Variants in CDKAL1 observed in about 807,000 individuals in gnomAD.
The protein encoded by CDKAL1 is threonylcarbamoyladenosine tRNA methylthiotransferase.
Under a neutral mutation model 68.2 loss-of-function variants are expected in CDKAL1, and 32 were observed. The observed-to-expected ratio is 0.47, with a 90% confidence interval of 0.35 to 0.63. The LOEUF (loss-of-function observed/expected upper bound fraction) is 0.63. CDKAL1 is among the 30% of genes least tolerant of loss of function. The probability of loss-of-function intolerance (pLI) is 0.00; values close to 1 mark genes in which losing one functional copy is unlikely to be tolerated. For synonymous variants in CDKAL1, 234 were observed against 244.3 expected, an observed-to-expected ratio of 0.96 and a Z score of 0.39; for missense variants, 606 against 696.7, an observed-to-expected ratio of 0.87 and a Z score of 1.47.
At chr6:20,796,104 A>T (rs1390604190) in intron 8 of CDKAL1, among the ~76,000 whole-genome samples, 1 of 152,208 alleles carries the variant, frequency 6.6e-6, no homozygotes, top group Admixed American at 6.5e-5. Context: ...GACTGTCTAC[A>T]TAGAAAATCT....
intron 8 of CDKAL1, among the ~76,000 whole-genome samples, chr6:20,822,083 T>A (rs1375440927): frequency 2.0e-5 from 3 of 152,166 alleles, no homozygotes; most frequent in African/African-American, 7.2e-5. Context: ...GTTAGGTAGT[T>A]GTAACAGAGA....
intron 8 of CDKAL1, among the ~76,000 whole-genome samples, chr6:20,798,015 C>T (rs1369816277): frequency 4.0e-5 from 6 of 151,618 alleles, no homozygotes; most frequent in African/African-American, 9.7e-5. Context: ...GGGGTTTCAC[C>T]GTGTTGCCCA....
At chr6:21,101,983 C>A (rs1026464874) in intron 12 of CDKAL1, among the ~76,000 whole-genome samples, 6 of 152,188 alleles carry the variant, frequency 3.9e-5, no homozygotes, top group African/African-American at 1.4e-4. Flanking sequence ...AACAGCTTCT[C>A]ATACTGTCTT....
chr6:20,855,620 G>A (rs2150512868), intron 9 of CDKAL1, among the ~76,000 whole-genome samples: 1 of 152,262 alleles, frequency 6.6e-6, no homozygotes, highest in East Asian at 1.9e-4. Flanking sequence ...TGTTATAGAG[G>A]CTAATACCTT....
chr6:20,991,396 C>T (rs190187148), intron 10 of CDKAL1, among the ~76,000 whole-genome samples: 36 of 152,084 alleles, frequency 2.4e-4, no homozygotes, highest in African/African-American at 8.4e-4. Context: ...GAACTGTATA[C>T]CTAAAAATGG....
chr6:21,186,808 T>C (rs1157512406), intron 13 of CDKAL1, among the ~76,000 whole-genome samples: 2 of 152,116 alleles, frequency 1.3e-5, no homozygotes, highest in African/African-American at 4.8e-5. Context: ...TCTAAAACAG[T>C]GAAATGGTAG....
intron 6 of CDKAL1, among the ~76,000 whole-genome samples, chr6:20,757,992 T>G (rs1774298160): frequency 6.6e-6 from 1 of 152,196 alleles, no homozygotes; most frequent in Non-Finnish European, 1.5e-5. Flanking sequence ...TAGGAAGCAT[T>G]CCTGCATCAC....
intron 4 of CDKAL1, among the ~76,000 whole-genome samples, chr6:20,566,959 C>T (rs1269862247): frequency 1.3e-5 from 2 of 151,950 alleles, no homozygotes; most frequent in African/African-American, 2.4e-5. Flanking sequence ...AGAAGCTTCT[C>T]CTTATTACTT....
intron 11 of CDKAL1, among the ~76,000 whole-genome samples, chr6:21,014,750 T>A (rs1490040085): frequency 2.6e-5 from 4 of 152,210 alleles, no homozygotes; most frequent in Admixed American, 1.3e-4. Flanking sequence ...GGCTCAATAT[T>A]TGGTTTTTGT....
At chr6:20,626,228 C>T (rs182465937) in intron 4 of CDKAL1, among the ~76,000 whole-genome samples, 1 of 152,080 alleles carries the variant, frequency 6.6e-6, no homozygotes, top group African/African-American at 2.4e-5. Flanking sequence ...CCTTCATTGC[C>T]TCATAAATAT....
intron 13 of CDKAL1, among the ~76,000 whole-genome samples, chr6:21,182,287 T>C (rs1777822801): frequency 2.0e-5 from 3 of 152,216 alleles, no homozygotes; most frequent in Non-Finnish European, 4.4e-5. Context: ...TTCAAAAGGT[T>C]TCAGTGCTTG....
intron 9 of CDKAL1, among the ~76,000 whole-genome samples, chr6:20,938,696 A>G (rs1390863095): frequency 6.6e-6 from 1 of 152,170 alleles, no homozygotes; most frequent in East Asian, 1.9e-4. Context: ...TTGTGTGGAT[A>G]TATAAAAGAT....
intron 9 of CDKAL1, among the ~76,000 whole-genome samples, chr6:20,851,284 T>C (rs750800167): frequency 1.6e-4 from 24 of 152,210 alleles, no homozygotes; most frequent in Non-Finnish European, 3.2e-4. Flanking sequence ...TTTAGATATC[T>C]AGAAAAACAT....
intron 10 of CDKAL1, among the ~76,000 whole-genome samples, chr6:20,969,523 CGT>C (rs1561924743): frequency 6.6e-6 from 1 of 152,076 alleles, no homozygotes; most frequent in Non-Finnish European, 1.5e-5. Flanking sequence ...AGTACAAACC[CGT>C]GTTTTTAAGG....
chr6:20,952,672 G>T (rs536417479), intron 9 of CDKAL1, among the ~76,000 whole-genome samples: 2 of 152,334 alleles, frequency 1.3e-5, no homozygotes, highest in East Asian at 1.9e-4. Context: ...ACTTCTGTCC[G>T]TAAGTCTAGC....
At chr6:20,846,366 C>A (rs914623608) in intron 9 of CDKAL1, among the ~76,000 whole-genome samples, 188 bp downstream of exon 9, 1 of 152,128 alleles carries the variant, frequency 6.6e-6, no homozygotes, top group Non-Finnish European at 1.5e-5. Flanking sequence ...AATGACTCTT[C>A]TTTTACTACG....
chr6:21,203,327 C>T (rs893722821), intron 15 of CDKAL1, among the ~76,000 whole-genome samples: 2 of 149,488 alleles, frequency 1.3e-5, no homozygotes, highest in African/African-American at 2.5e-5. Context: ...GCCTCCACCC[C>T]CCAAGTTCAA....
intron 4 of CDKAL1, among the ~76,000 whole-genome samples, chr6:20,598,817 A>G (rs1765954859): frequency 6.6e-6 from 1 of 152,056 alleles, no homozygotes. Context: ...CTTTTGTTCT[A>G]TGGGGATTTT....
intron 13 of CDKAL1, among the ~76,000 whole-genome samples, chr6:21,189,633 G>C (rs1010592596): frequency 6.6e-6 from 1 of 152,116 alleles, no homozygotes; most frequent in South Asian, 2.1e-4. Flanking sequence ...GAATACGATG[G>C]ACTTAAAGGC....
Sources: allele counts gnomAD v4.1 joint callset (sites outside exome capture counted in the v4.1 genomes callset), GRCh38; gene constraint gnomAD v4.1.1; transcripts MANE v1.5; gene names NCBI Gene and HGNC (gene_info 2026-07-23, HGNC 2026-07-21).